MOB1B: variants seen among roughly 807,000 people sequenced by gnomAD.
MOB1B encodes the protein MOB1 Mps One Binder homolog B.
A neutral mutation model predicts 24.4 loss-of-function variants in MOB1B; 19 were observed. The ratio of observed to expected loss-of-function variants is 0.78; its 90% CI spans 0.54 to 1.14. The LOEUF (loss-of-function observed/expected upper bound fraction) is 1.14. Ranked by LOEUF, MOB1B falls within the 50% of genes most tolerant of loss-of-function variation. The pLI, the probability that MOB1B is intolerant of heterozygous loss-of-function variation, is 0.00. For missense variants in MOB1B, 243 were observed against 259.6 expected (o/e 0.94, Z 0.44); for synonymous variants, 76 against 82.1 (o/e 0.93, Z 0.40).
intron 2 of MOB1B, among the ~76,000 whole-genome samples, chr4:70,965,229 A>G (rs965882398): frequency 8.3e-5 from 12 of 144,180 alleles, no homozygotes; most frequent in Middle Eastern, 3.6e-3. Context: ...CCTGGGAGGC[A>G]GAGGTTGCCG....
chr4:70,950,714 A>T, intron 1 of MOB1B: 1 of 1,526,060 alleles, frequency 6.6e-7, no homozygotes, highest in Non-Finnish European at 8.8e-7. Flanking sequence ...TCTCAGCCTG[A>T]AGTTGACTGG....
At chr4:70,954,340 C>T (rs950289538) in intron 1 of MOB1B, among the ~76,000 whole-genome samples, 1 of 152,200 alleles carries the variant, frequency 6.6e-6, no homozygotes, top group African/African-American at 2.4e-5. Flanking sequence ...TAGGCTTTCA[C>T]TGCTAAAGAA....
chr4:70,929,206 A>C (rs533052407), intron 1 of MOB1B, among the ~76,000 whole-genome samples: 1 of 141,054 alleles, frequency 7.1e-6, no homozygotes, highest in African/African-American at 2.7e-5. Flanking sequence ...TTTTTGAGAC[A>C]ATCTTGCTGT....
intron 1 of MOB1B, among the ~76,000 whole-genome samples, chr4:70,928,440 C>T (rs1431367726): frequency 2.6e-5 from 4 of 151,736 alleles, no homozygotes; most frequent in Admixed American, 1.3e-4. Flanking sequence ...GGATTACAGG[C>T]GCGTGCCACC....
intron 1 of MOB1B, among the ~76,000 whole-genome samples, chr4:70,948,510 G>T (rs1237528299): frequency 6.6e-6 from 1 of 152,136 alleles, no homozygotes; most frequent in East Asian, 1.9e-4. Flanking sequence ...GAGAACTTCA[G>T]CTTCTCCATC....
chr4:70,954,782 G>A (rs34166704), intron 1 of MOB1B, among the ~76,000 whole-genome samples: 3,571 of 149,098 alleles, frequency 0.024, 63 homozygotes, highest in Non-Finnish European at 0.036. Context: ...ACGGAGTCTC[G>A]CTCTGTCACC....
chr4:70,907,780 T>C (rs1001244803), intron 1 of MOB1B, among the ~76,000 whole-genome samples: 1 of 152,108 alleles, frequency 6.6e-6, no homozygotes, highest in Non-Finnish European at 1.5e-5. Context: ...ACCACTGCAC[T>C]CCAGCCTGGG....
At chr4:70,942,246 A>G (rs780330187) in intron 1 of MOB1B, among the ~76,000 whole-genome samples, 2 of 152,078 alleles carry the variant, frequency 1.3e-5, no homozygotes, top group African/African-American at 4.8e-5. Context: ...CATATTACCA[A>G]TATCTTCTAG....
At chr4:70,966,952 A>G (rs1738556662) in intron 2 of MOB1B, among the ~76,000 whole-genome samples, 1 of 152,236 alleles carries the variant, frequency 6.6e-6, no homozygotes, top group African/African-American at 2.4e-5. Context: ...ATACATGCAG[A>G]AAAACCATTT....
intron 5 of MOB1B, 119 bp downstream of exon 5, chr4:70,979,410 C>T: frequency 1.4e-6 from 1 of 706,186 alleles, no homozygotes; most frequent in East Asian, 2.6e-5. Flanking sequence ...AGTCTGCATC[C>T]TCTTCTACAG....
chr4:70,977,841 C>T (rs1389126184), intron 4 of MOB1B, among the ~76,000 whole-genome samples: 1 of 152,104 alleles, frequency 6.6e-6, no homozygotes, highest in African/African-American at 2.4e-5. Flanking sequence ...CAGGTATACA[C>T]CACCATACCT....
rs185654986 is a variant in MOB1B, at chr4:70,932,517, A to G, written c.15-26357A>G. On this transcript the variant is annotated intron_variant, in intron 1 of 5. Transcript: ENST00000309395. The stretch of plus-strand genomic sequence containing the variant: ...ACTAGTATTTTATTTTCTGATTTCT[A>G]ATCCTTGGGAAAACTCTTGCAGCAT... Among the ~76,000 whole-genome samples, 9 of 152,250 alleles carry G rather than the reference A, an allele frequency of 5.9e-5. No individual in the cohort carries two copies. In the East Asian group the frequency reaches 1.7e-3, roughly 29 times the overall value.
chr4:70,904,832 G>A (rs925053375), intron 1 of MOB1B, among the ~76,000 whole-genome samples: 1 of 151,400 alleles, frequency 6.6e-6, no homozygotes, highest in African/African-American at 2.4e-5. Context: ...AGAAGTTTCT[G>A]ATGCTATTTT....
chr4:70,972,601 C>G (rs1382957107), intron 3 of MOB1B, among the ~76,000 whole-genome samples: 2 of 152,092 alleles, frequency 1.3e-5, no homozygotes, highest in Admixed American at 1.3e-4. Flanking sequence ...GACAGAAATA[C>G]ATTTCAAAGA....
intron 2 of MOB1B, among the ~76,000 whole-genome samples, chr4:70,964,861 C>G (rs1353441648): frequency 1.3e-5 from 2 of 149,722 alleles, no homozygotes; most frequent in South Asian, 2.1e-4. Context: ...ACCCAGGAAG[C>G]AGAGCTTGTA....
At chr4:70,931,078 C>T (rs1414011585) in intron 1 of MOB1B, among the ~76,000 whole-genome samples, 1 of 150,588 alleles carries the variant, frequency 6.6e-6, no homozygotes, top group Non-Finnish European at 1.5e-5. Flanking sequence ...CACTGATAAC[C>T]ACTAGCTGCT....
intron 1 of MOB1B, among the ~76,000 whole-genome samples, chr4:70,946,510 T>C (rs746983788): frequency 5.9e-5 from 9 of 152,302 alleles, no homozygotes; most frequent in Non-Finnish European, 1.0e-4. Context: ...TATTTTAAGC[T>C]GACCCTTCAT....
intron 1 of MOB1B, among the ~76,000 whole-genome samples, chr4:70,927,541 A>C (rs1736702856): frequency 7.3e-6 from 1 of 137,692 alleles, no homozygotes; most frequent in African/African-American, 3.2e-5. Context: ...ATCTGTCTCA[A>C]AAAAAAAAAA....
intron 1 of MOB1B, among the ~76,000 whole-genome samples, chr4:70,943,941 A>G (rs1422700421): frequency 1.3e-5 from 2 of 152,238 alleles, no homozygotes. Flanking sequence ...TGATGTCAAA[A>G]TGAATATTTA....
Sources: gnomAD v4.1 joint callset for allele counts (sites outside exome capture counted in the v4.1 genomes callset) on GRCh38, gnomAD v4.1.1 for gene constraint, MANE v1.5 for transcripts, NCBI Gene and HGNC (gene_info 2026-07-23, HGNC 2026-07-21) for gene names.